The following PKHD1 variants were observed in gnomAD, a reference collection of about 807,000 sequenced individuals.
PKHD1 encodes fibrocystin.
A neutral mutation model predicts 412.0 loss-of-function variants in PKHD1; 291 were observed. The ratio of observed to expected loss-of-function variants is 0.71; its 90% CI spans 0.64 to 0.78. PKHD1 has a LOEUF of 0.78. PKHD1 is among the 30% of genes least tolerant of loss of function. The pLI is 0.00. For missense variants in PKHD1, 4,825 were observed against 4,950.7 expected (o/e 0.97, Z 0.76); for synonymous variants, 1,777 against 1,821.5 (o/e 0.98, Z 0.62).
In PKHD1 at chr6:52,027,916, G is replaced by T; in HGVS notation, c.3561-20C>A. ...TCAACCCTACAGAAGATAGGCAGAT[G>T]TTTAGGAAATAACTGACAGAGAGAG... On this transcript the variant is annotated intron_variant, in intron 30 of 66. Coordinates refer to ENST00000371117, the MANE Select transcript of PKHD1 (RefSeq NM_138694.4). The T allele has an allele frequency of 6.3e-7, 1 of 1,585,968 alleles. No homozygotes were observed. Among genetic ancestry groups the T allele is most frequent in the Non-Finnish European group, 8.7e-7 (1 of 1,154,196 alleles).
intron 60 of PKHD1, among the ~76,000 whole-genome samples, chr6:51,663,802 G>C (rs1239807578): frequency 6.6e-6 from 1 of 152,020 alleles, no homozygotes; most frequent in Admixed American, 6.6e-5. Flanking sequence ...CTTAATATAT[G>C]TTAGGCAATA....
In PKHD1 at chr6:52,058,449, G is replaced by A. The variant is rs1393535530; in HGVS notation, c.1386C>T (p.Ala462=). The A allele has an allele frequency of 2.5e-6, 4 of 1,614,146 alleles. No homozygotes were observed. Among genetic ancestry groups the A allele is most frequent in the Non-Finnish European group, 3.4e-6 (4 of 1,180,018 alleles). ...CACCAATCCTCATCCCCCTGCTTGGGGCTATCCCATGATGCTCTGCTTCCA... is the reference window on the plus strand; with the variant it reads ...CACCAATCCTCATCCCCCTGCTTGGAGCTATCCCATGATGCTCTGCTTCCA... The part of the protein sequence containing the change: ...YYLEAEHHGI[A]PSRGMRIGVQ... Residue 462 remains alanine, a synonymous_variant, in exon 16 of 67, where the codon GCC becomes GCT. Transcript: ENST00000371117.
chr6:51,688,321 A>G (rs1189835475), intron 60 of PKHD1, among the ~76,000 whole-genome samples: 1 of 152,178 alleles, frequency 6.6e-6, no homozygotes, highest in African/African-American at 2.4e-5. Context: ...AAAATTTGCT[A>G]TTCTTAAACA....
At chr6:51,797,137 G>C in intron 52 of PKHD1, among the ~76,000 whole-genome samples, 1 of 152,096 alleles carries the variant, frequency 6.6e-6, no homozygotes, top group East Asian at 1.9e-4. Context: ...TTAATCTTAA[G>C]TTCTAATTTG....
chr6:51,746,143 T>A (rs1785167829), intron 59 of PKHD1, among the ~76,000 whole-genome samples: 1 of 152,194 alleles, frequency 6.6e-6, no homozygotes, highest in African/African-American at 2.4e-5. Context: ...ATGAAACTCT[T>A]AGATCATATG....
chr6:52,012,436 CCTG>C, intron 34 of PKHD1, among the ~76,000 whole-genome samples: 1 of 152,286 alleles, frequency 6.6e-6, no homozygotes, highest in South Asian at 2.1e-4. Context: ...GAATCTGTAG[CCTG>C]CTATCTAGCT....
intron 35 of PKHD1, among the ~76,000 whole-genome samples, chr6:51,983,624 G>A (rs752167634): frequency 8.5e-5 from 13 of 152,210 alleles, no homozygotes; most frequent in Non-Finnish European, 1.6e-4. Flanking sequence ...AACTCGAAGC[G>A]GAGGTGAAGA....
chr6:51,644,455 A>G (rs1428549523), intron 63 of PKHD1, among the ~76,000 whole-genome samples: 1 of 152,184 alleles, frequency 6.6e-6, no homozygotes, highest in African/African-American at 2.4e-5. Flanking sequence ...TGAACATTCC[A>G]TATATTTTAT....
chr6:51,762,776 T>C (rs1025790834), intron 55 of PKHD1, among the ~76,000 whole-genome samples: 4 of 151,972 alleles, frequency 2.6e-5, no homozygotes, highest in Non-Finnish European at 5.9e-5. Context: ...ACTTTTAAGA[T>C]TGTAGAGCCA....
chr6:51,809,342 C>T (rs1423302424), intron 52 of PKHD1, among the ~76,000 whole-genome samples: 1 of 151,970 alleles, frequency 6.6e-6, no homozygotes, highest in Non-Finnish European at 1.5e-5. Context: ...GAAATGCCAT[C>T]TTAATTACTA....
intron 43 of PKHD1, among the ~76,000 whole-genome samples, chr6:51,901,754 A>C (rs932436166): frequency 6.6e-6 from 1 of 152,130 alleles, no homozygotes; most frequent in African/African-American, 2.4e-5. Flanking sequence ...TACCTAATGA[A>C]TCTACATTAC....
chr6:51,690,216 G>A lies in PKHD1; in HGVS notation c.10157-30247C>T, dbSNP rs1005899607. ...GAACTCGGGAGGCGGAGGTTGTAGC[G>A]AGCCGAGATCATGACACTGCCCTCC... On this transcript the variant is annotated intron_variant, in intron 60 of 66. Coordinates refer to ENST00000371117, the MANE Select transcript of PKHD1 (RefSeq NM_138694.4). 1.8e-4 allele frequency among the ~76,000 whole-genome samples: 27 copies of A among 148,150 alleles called. No individual in the cohort carries two copies. The East Asian group carries it at 2.4e-3, about 13-fold the overall frequency.
rs75487908 is a variant in PKHD1 at position 51,961,180 on chromosome 6, T to A, written c.5752-1154A>T. Among the ~76,000 whole-genome samples the A allele has an allele frequency of 6.9e-4, 105 of 151,888 alleles. No homozygotes were observed. The East Asian group carries it at 0.019, about 28-fold the overall frequency. ...ATTAGAAGGGAAGGCATGTTTGTAA[T>A]ACCGACAACTACACCTACACAGAGA... On this transcript the variant is annotated intron_variant, in intron 35 of 66. Transcript: ENST00000371117.
At chr6:51,773,174 C>A (rs1790436359) in intron 54 of PKHD1, among the ~76,000 whole-genome samples, 1 of 151,840 alleles carries the variant, frequency 6.6e-6, no homozygotes, top group Non-Finnish European at 1.5e-5. Flanking sequence ...ACACTAGGTT[C>A]TCCAAAAGCA....
At chr6:51,945,444 G>A (rs1789311993) in intron 36 of PKHD1, among the ~76,000 whole-genome samples, 1 of 152,136 alleles carries the variant, frequency 6.6e-6, no homozygotes. Context: ...TCCGCAAAGT[G>A]GAAGGTGGAA....
At chr6:51,623,398 T>C (rs1168343257) in intron 66 of PKHD1, among the ~76,000 whole-genome samples, 1 of 152,150 alleles carries the variant, frequency 6.6e-6, no homozygotes, top group Non-Finnish European at 1.5e-5. Context: ...TCTTTATTTT[T>C]TTTCTAAATA....
chr6:51,635,873 GGC>G (rs1349233000), intron 64 of PKHD1, among the ~76,000 whole-genome samples: 1,723 of 84,354 alleles, frequency 0.02, 25 homozygotes, highest in Non-Finnish European at 0.023. Context: ...GGGGGCGGGG[GGC>G]CGGGGGCGGA....
intron 43 of PKHD1, among the ~76,000 whole-genome samples, chr6:51,890,600 C>T (rs1778955059): frequency 6.6e-6 from 1 of 151,784 alleles, no homozygotes; most frequent in Admixed American, 6.6e-5. Flanking sequence ...TGTTTGATTT[C>T]TCCAAATCTG....
intron 35 of PKHD1, among the ~76,000 whole-genome samples, chr6:52,004,917 A>G (rs1451592778): frequency 6.6e-6 from 1 of 152,090 alleles, no homozygotes; most frequent in Non-Finnish European, 1.5e-5. Flanking sequence ...AAATATACTC[A>G]CTACATGATT....
Sources: gnomAD v4.1 joint callset for allele counts (sites outside exome capture counted in the v4.1 genomes callset) on GRCh38, gnomAD v4.1.1 for gene constraint, MANE v1.5 for transcripts, NCBI Gene and HGNC (gene_info 2026-07-23, HGNC 2026-07-21) for gene names.